Variants in PLEKHM3 observed in about 807,000 individuals in gnomAD.
The protein encoded by PLEKHM3 is pleckstrin homology domain-containing family M member 3.
PLEKHM3 carries 45 observed loss-of-function variants against 81.8 expected under a neutral mutation model. The ratio of observed to expected loss-of-function variants is 0.55; its 90% CI spans 0.43 to 0.71. The LOEUF (loss-of-function observed/expected upper bound fraction) is 0.71. Among genes scored for constraint, PLEKHM3 ranks in the 30% least tolerant of loss-of-function variants. The pLI is 0.00. For missense variants in PLEKHM3, 788 were observed against 924.3 expected (o/e 0.85, Z 1.91); for synonymous variants, 352 against 356.4 (o/e 0.99, Z 0.14).
intron 7 of PLEKHM3, among the ~76,000 whole-genome samples, chr2:207,831,207 T>C (rs1217781246): frequency 6.6e-6 from 1 of 152,202 alleles, no homozygotes; most frequent in Non-Finnish European, 1.5e-5. Context: ...CATGTCACTA[T>C]GGAGACCTGA....
At chr2:207,918,895 A>T (rs73983636) in intron 5 of PLEKHM3, among the ~76,000 whole-genome samples, 2,967 of 152,320 alleles carry the variant, frequency 0.019, 91 homozygotes, top group African/African-American at 0.067. Flanking sequence ...TGAACAAAGC[A>T]AAACGTCTAC....
chr2:207,980,427 G>T (rs1357604658), intron 2 of PLEKHM3, among the ~76,000 whole-genome samples: 1 of 151,958 alleles, frequency 6.6e-6, no homozygotes, highest in African/African-American at 2.4e-5. Flanking sequence ...AATGCACTGG[G>T]TACCAACATT....
At chr2:207,958,272 C>A (rs527483513) in intron 3 of PLEKHM3, among the ~76,000 whole-genome samples, 2 of 152,306 alleles carry the variant, frequency 1.3e-5, no homozygotes, top group South Asian at 4.1e-4. Context: ...CTGCTAGTAA[C>A]ATCTGCTCCA....
At chr2:207,872,069 GCTCTACCTAAGATCAC>G (rs1182675351) in intron 6 of PLEKHM3, among the ~76,000 whole-genome samples, 4 of 152,166 alleles carry the variant, frequency 2.6e-5, no homozygotes, top group Non-Finnish European at 4.4e-5. Context: ...GAGGTGATGA[GCTCTACCTAAGATCAC>G]CCAGCTAATT....
At chr2:207,971,928 C>G (rs1691135387) in intron 3 of PLEKHM3, among the ~76,000 whole-genome samples, 1 of 152,170 alleles carries the variant, frequency 6.6e-6, no homozygotes, top group Non-Finnish European at 1.5e-5. Flanking sequence ...TTTTATAGGT[C>G]AAAAATGACT....
intron 3 of PLEKHM3, among the ~76,000 whole-genome samples, chr2:207,960,486 G>A (rs547281262): frequency 3.3e-5 from 5 of 152,312 alleles, no homozygotes; most frequent in Admixed American, 3.3e-4. Flanking sequence ...TAATTTAGGG[G>A]TCCACTCTAT....
At chr2:207,850,789 T>C (rs1430826705) in intron 7 of PLEKHM3, among the ~76,000 whole-genome samples, 1 of 152,240 alleles carries the variant, frequency 6.6e-6, no homozygotes, top group East Asian at 1.9e-4. Context: ...TTTTTGCTTT[T>C]ATATTCATTG....
At chr2:207,908,375 C>T (rs1688690734) in intron 6 of PLEKHM3, 139 bp downstream of exon 6, 1 of 813,094 alleles carries the variant, frequency 1.2e-6, no homozygotes, top group Non-Finnish European at 2.0e-6. Flanking sequence ...TAAGTTTTCC[C>T]CCCATTCTGA....
chr2:207,887,732 C>T (rs1289589585), intron 6 of PLEKHM3, among the ~76,000 whole-genome samples: 1 of 152,128 alleles, frequency 6.6e-6, no homozygotes, highest in African/African-American at 2.4e-5. Flanking sequence ...AAGCTTGTTG[C>T]CTTTCATGTG....
At chr2:207,866,711 C>G (rs145511315) in intron 6 of PLEKHM3, among the ~76,000 whole-genome samples, 2 of 152,244 alleles carry the variant, frequency 1.3e-5, no homozygotes, top group African/African-American at 4.8e-5. Flanking sequence ...TCATCCATGC[C>G]ATTCCTCTAT....
chr2:207,834,409 A>C (rs10179364), intron 7 of PLEKHM3, among the ~76,000 whole-genome samples: 147,069 of 149,556 alleles, frequency 0.98, 72,350 homozygotes, highest in Middle Eastern at 1. Context: ...GGATTGCAGG[A>C]GTGAGCCACC....
intron 1 of PLEKHM3, among the ~76,000 whole-genome samples, chr2:208,012,392 A>C (rs1275748316): frequency 6.6e-6 from 1 of 152,238 alleles, no homozygotes; most frequent in Admixed American, 6.5e-5. Flanking sequence ...CCCATGATTC[A>C]TTTATTGTCA....
chr2:207,916,507 A>C (rs771483169), intron 5 of PLEKHM3, among the ~76,000 whole-genome samples: 4 of 152,178 alleles, frequency 2.6e-5, no homozygotes, highest in Non-Finnish European at 5.9e-5. Flanking sequence ...TGGGAGGCCG[A>C]GGTAGATAGA....
intron 7 of PLEKHM3, among the ~76,000 whole-genome samples, chr2:207,858,190 T>G (rs2092447458): frequency 7.8e-6 from 1 of 128,406 alleles, no homozygotes; most frequent in African/African-American, 3.2e-5. Flanking sequence ...ATTTTTTTTT[T>G]TGAGATGAAG....
chr2:207,907,087 C>T (rs1005207465), intron 6 of PLEKHM3, among the ~76,000 whole-genome samples: 6 of 152,250 alleles, frequency 3.9e-5, no homozygotes, highest in African/African-American at 1.4e-4. Flanking sequence ...TAGTGTCCAA[C>T]AGCTTCTCAG....
intron 3 of PLEKHM3, among the ~76,000 whole-genome samples, chr2:207,953,534 C>T (rs1690405512): frequency 6.6e-6 from 1 of 152,098 alleles, no homozygotes; most frequent in Admixed American, 6.6e-5. Flanking sequence ...GTGGCTCATG[C>T]CTATAATCCT....
rs1423096718 is a variant in PLEKHM3, at chr2:207,886,653, G to A, written c.1950+21861C>T. On this transcript the variant is annotated intron_variant, in intron 6 of 7. Coordinates refer to ENST00000427836, the MANE Select transcript of PLEKHM3 (RefSeq NM_001080475.3). ...GAAAAGGGAGATCAGCAGGTGTTAG[G>A]GGTTCCAGTCATACCAGCACCGGAA... Among the ~76,000 whole-genome samples, 3 of 152,106 alleles carry A rather than the reference G, an allele frequency of 2.0e-5. No individual in the cohort carries two copies. In the East Asian group the frequency reaches 5.8e-4, roughly 29 times the overall value.
chr2:207,957,880 G>A (rs1195755226), intron 3 of PLEKHM3, among the ~76,000 whole-genome samples: 5 of 152,134 alleles, frequency 3.3e-5, no homozygotes, highest in Admixed American at 1.3e-4. Context: ...TCCCAACAGG[G>A]GATATTTGTA....
At chr2:208,015,052 T>C (rs928869309) in intron 1 of PLEKHM3, among the ~76,000 whole-genome samples, 2 of 152,228 alleles carry the variant, frequency 1.3e-5, no homozygotes, top group Non-Finnish European at 2.9e-5. Flanking sequence ...TAAAAAGTTA[T>C]AGCTAATATT....
Sources: gnomAD v4.1 joint callset for allele counts (sites outside exome capture counted in the v4.1 genomes callset) on GRCh38, gnomAD v4.1.1 for gene constraint, MANE v1.5 for transcripts, NCBI Gene and HGNC (gene_info 2026-07-23, HGNC 2026-07-21) for gene names.